The following APOL3 variants were observed in gnomAD, a reference collection of about 807,000 sequenced individuals.
APOL3 encodes apolipoprotein L3, also known as TNF-inducible protein CG12-1.
A neutral mutation model predicts 11.6 loss-of-function variants in APOL3; 14 were observed. That is an observed-to-expected ratio of 1.21 (90% CI 0.80 to 1.89). The LOEUF is 1.89. APOL3 is among the 40% of genes most tolerant of loss of function. APOL3 has a pLI of 0.00. For synonymous variants in APOL3, 192 were observed against 190.6 expected (o/e 1.01, Z -0.06); for missense variants, 483 against 492.1 (o/e 0.98, Z 0.17).
At chr22:36,165,568 C>A (rs891077660), upstream of APOL3, 2 of 152,194 alleles carry the variant, frequency 1.3e-5, no homozygotes, top group African/African-American at 4.8e-5. Context: ...CAGCTTTATA[C>A]AACTTATAGC....
intron 2 of APOL3, among the ~76,000 whole-genome samples, chr22:36,145,009 CAAAAAAA>C (rs1312228074): frequency 1.3e-3 from 50 of 37,950 alleles, no homozygotes; most frequent in African/African-American, 2.8e-3. Context: ...GACTCTGTCT[CAAAAAAA>C]AAAAAAAAAG....
At chr22:36,151,995 T>C (rs1253481483) in intron 1 of APOL3, among the ~76,000 whole-genome samples, 3 of 151,944 alleles carry the variant, frequency 2.0e-5, no homozygotes, top group Non-Finnish European at 4.4e-5. Context: ...TGAGTGTGTG[T>C]GTGTGTGTGC....
At chr22:36,165,317 A>G (rs1176295077), upstream of APOL3, 1 of 151,544 alleles carries the variant, frequency 6.6e-6, no homozygotes, top group Admixed American at 6.6e-5. Context: ...ATTAGCAAGC[A>G]TAGTCTTATG....
chr22:36,148,140 A>T (rs2065996930), intron 1 of APOL3, among the ~76,000 whole-genome samples: 1 of 152,136 alleles, frequency 6.6e-6, no homozygotes, highest in Non-Finnish European at 1.5e-5. Flanking sequence ...GATGTTTCCC[A>T]CTTCATGACT....
chr22:36,154,200 C>T (rs539874466), intron 1 of APOL3, among the ~76,000 whole-genome samples: 42 of 152,282 alleles, frequency 2.8e-4, no homozygotes, highest in Middle Eastern at 3.4e-3. Flanking sequence ...CTGAACCAGT[C>T]TTTCAGGTTA....
rs2060344534 is a variant in APOL3 at position 36,149,382 on chromosome 22, A to G, written c.224-3783T>C. On this transcript the variant is annotated intron_variant, in intron 1 of 2. Transcript: ENST00000349314. ...CAGGGTCCTTTTGTCCTGTAGGGGT[A>G]TGAAGAGAAGATAATCAGAGGAAGG... The G allele has an allele frequency of 2.3e-6, 3 of 1,306,104 alleles. No homozygotes were observed. The African/African-American group carries it at 4.6e-5, about 20-fold the overall frequency. 80.9% of individuals were successfully genotyped at this position (1,306,104 alleles called of 1,614,324 possible). A position where few individuals can be genotyped will look rare whatever the true frequency, so the allele number is the denominator to read the frequency against.
chr22:36,156,777 C>G (rs1048573968), intron 1 of APOL3: 104 of 340,622 alleles, frequency 3.1e-4, no homozygotes, highest in Middle Eastern at 1.1e-3. Flanking sequence ...GCCTCTGTCT[C>G]CCCGTTAAAC....
intron 1 of APOL3, among the ~76,000 whole-genome samples, chr22:36,157,825 G>A (rs1569529833): frequency 6.6e-6 from 1 of 152,176 alleles, no homozygotes; most frequent in African/African-American, 2.4e-5. Flanking sequence ...CAAGGCGGGT[G>A]GATCACCTGA....
chr22:36,161,506 C>G (rs1024482299), upstream of APOL3: 1 of 154,052 alleles, frequency 6.5e-6, no homozygotes, highest in African/African-American at 2.4e-5. Context: ...TGGACACTTC[C>G]TTATGTGGGT....
chr22:36,143,217 A>C (rs904911862), intron 2 of APOL3, among the ~76,000 whole-genome samples: 3 of 152,234 alleles, frequency 2.0e-5, no homozygotes, highest in Admixed American at 6.5e-5. Context: ...CTGGTTGGCA[A>C]CACCCCATGT....
intron 1 of APOL3, among the ~76,000 whole-genome samples, chr22:36,146,907 G>A (rs16996417): frequency 0.041 from 6,193 of 152,204 alleles, 402 homozygotes; most frequent in African/African-American, 0.14. Flanking sequence ...GGACTGGGAA[G>A]CAGTATGGAT....
At chr22:36,164,360 T>C, upstream of APOL3, among the ~76,000 whole-genome samples, 1 of 152,202 alleles carries the variant, frequency 6.6e-6, no homozygotes, top group Non-Finnish European at 1.5e-5. Context: ...CACAGTCAAT[T>C]GCATACTCCT....
chr22:36,164,739 C>T (rs920883921), upstream of APOL3: 4 of 152,226 alleles, frequency 2.6e-5, 1 homozygote. Context: ...CTTCTGGTTT[C>T]AGTCTCACAA....
chr22:36,165,823 G>C (rs921386410), upstream of APOL3: 1 of 152,168 alleles, frequency 6.6e-6, no homozygotes, highest in Non-Finnish European at 1.5e-5. Context: ...AATTGTCACC[G>C]ATCTACCCAA....
At chr22:36,143,566 G>C (rs899270331) in intron 2 of APOL3, among the ~76,000 whole-genome samples, 6 of 152,214 alleles carry the variant, frequency 3.9e-5, no homozygotes, top group African/African-American at 1.4e-4. Flanking sequence ...ACCTTGCCTG[G>C]CATGTTCTCT....
intron 1 of APOL3, among the ~76,000 whole-genome samples, chr22:36,156,339 C>A (rs1347225011): frequency 1.3e-5 from 2 of 152,172 alleles, no homozygotes; most frequent in East Asian, 3.9e-4. Context: ...TCGAGGGATC[C>A]TCCTGCATTA....
chr22:36,147,954 T>G (rs2060280243), intron 1 of APOL3, among the ~76,000 whole-genome samples: 1 of 152,142 alleles, frequency 6.6e-6, no homozygotes, highest in Non-Finnish European at 1.5e-5. Flanking sequence ...CGGCCAGTCA[T>G]GAGCAGCCAG....
At chr22:36,163,405 C>G (rs1315156215), upstream of APOL3, among the ~76,000 whole-genome samples, 6 of 152,220 alleles carry the variant, frequency 3.9e-5, no homozygotes, top group African/African-American at 1.4e-4. Context: ...CCCTTTTGGG[C>G]ACTCACCCCA....
intron 1 of APOL3, 104 bp from the exon 3 acceptor site, chr22:36,145,703 C>G: frequency 6.9e-7 from 1 of 1,445,416 alleles, no homozygotes; most frequent in Non-Finnish European, 9.4e-7. Context: ...CCAGCTGTCA[C>G]ATGGGGTATT....
Sources: gnomAD v4.1 joint callset for allele counts (sites outside exome capture counted in the v4.1 genomes callset) on GRCh38, gnomAD v4.1.1 for gene constraint, MANE v1.5 for transcripts, NCBI Gene and HGNC (gene_info 2026-07-23, HGNC 2026-07-21) for gene names.